The following SGCD variants were observed in gnomAD, a reference collection of about 807,000 sequenced individuals.
SGCD encodes sarcoglycan delta.
SGCD carries 18 observed loss-of-function variants against 36.6 expected under a neutral mutation model. The ratio of observed to expected loss-of-function variants is 0.49; its 90% CI spans 0.34 to 0.73. SGCD has a LOEUF of 0.73. Ranked by LOEUF, SGCD falls within the 30% of genes least tolerant of loss-of-function variation. The pLI is 0.01. For synonymous variants in SGCD, 133 were observed against 130.6 expected, an observed-to-expected ratio of 1.02 and a Z score of -0.12; for missense variants, 387 against 346.7, an observed-to-expected ratio of 1.12 and a Z score of -0.92.
At chr5:155,992,910 A>G (rs1263833918) in intron 1 of SGCD, among the ~76,000 whole-genome samples, 1 of 152,200 alleles carries the variant, frequency 6.6e-6, no homozygotes, top group Non-Finnish European at 1.5e-5. Context: ...TAGCAAACAT[A>G]GTGCCTCTTC....
intron 3 of SGCD, among the ~76,000 whole-genome samples, chr5:156,139,388 T>C (rs1008663597): frequency 1.3e-5 from 2 of 152,182 alleles, no homozygotes; most frequent in African/African-American, 4.8e-5. Context: ...TGTCAGCTTA[T>C]AGGTTCATCA....
At position 156,526,299 on chromosome 5, in the gene SGCD, G is replaced by A. The variant is rs535189385; in HGVS notation, c.294+17597G>A. 5.9e-5 allele frequency among the ~76,000 whole-genome samples: 9 copies of A among 152,134 alleles called. No homozygotes were observed. In the South Asian group the frequency reaches 6.2e-4, roughly 10 times the overall value. On this transcript the variant is annotated intron_variant, in intron 4 of 8. Transcript: ENST00000337851. ...AGAACTATCATGGGATGGCAGACAC[G>A]CACACAGTCTGAATAGGTTCCATTG...
intron 1 of SGCD, among the ~76,000 whole-genome samples, chr5:155,876,377 G>A: frequency 6.6e-6 from 1 of 151,790 alleles, no homozygotes; most frequent in East Asian, 1.9e-4. Context: ...GGAACAGTAA[G>A]ACACTTTTTA....
At chr5:156,500,521 A>G (rs1055150492) in intron 3 of SGCD, among the ~76,000 whole-genome samples, 3 of 152,242 alleles carry the variant, frequency 2.0e-5, no homozygotes, top group Non-Finnish European at 2.9e-5. Context: ...GTGCTGACAG[A>G]ATTAAAAACC....
chr5:155,789,177 A>C, the SGCD span, among the ~76,000 whole-genome samples: 5 of 152,118 alleles, frequency 3.3e-5, no homozygotes, highest in Non-Finnish European at 7.4e-5. Flanking sequence ...TTACTTAATG[A>C]TACACGGTCG....
chr5:156,082,138 C>G (rs181823815), intron 1 of SGCD, among the ~76,000 whole-genome samples: 1 of 151,940 alleles, frequency 6.6e-6, no homozygotes, highest in Non-Finnish European at 1.5e-5. Flanking sequence ...GAAAAGGGAC[C>G]AGAAGTACTT....
chr5:155,772,357 A>C, the SGCD span, among the ~76,000 whole-genome samples: 1 of 152,220 alleles, frequency 6.6e-6, no homozygotes, highest in East Asian at 1.9e-4. Flanking sequence ...AAGTGCTTTC[A>C]TCTTCACAAA....
chr5:156,599,373 A>T (rs925035053), intron 6 of SGCD, among the ~76,000 whole-genome samples: 19 of 146,334 alleles, frequency 1.3e-4, no homozygotes, highest in African/African-American at 5.0e-4. Flanking sequence ...CCATTTGTAT[A>T]GAAAAAGAAA....
chr5:156,176,591 AGGT>A (rs988882724), intron 3 of SGCD, among the ~76,000 whole-genome samples: 3 of 152,090 alleles, frequency 2.0e-5, no homozygotes, highest in African/African-American at 7.2e-5. Context: ...TACTTTCAGA[AGGT>A]GGTGAAGAGC....
chr5:155,854,059 A>G, the SGCD span, among the ~76,000 whole-genome samples: 2 of 152,150 alleles, frequency 1.3e-5, no homozygotes, highest in Non-Finnish European at 2.9e-5. Context: ...ATTTAACCTT[A>G]TTTTTTAAAA....
chr5:156,203,613 G>A (rs1348721964), intron 3 of SGCD, among the ~76,000 whole-genome samples: 1 of 152,078 alleles, frequency 6.6e-6, no homozygotes, highest in East Asian at 1.9e-4. Context: ...AAATAAAGAT[G>A]GATCATCATC....
intron 1 of SGCD, among the ~76,000 whole-genome samples, chr5:156,090,128 G>A (rs745430303): frequency 3.9e-5 from 6 of 152,136 alleles, no homozygotes; most frequent in Non-Finnish European, 8.8e-5. Flanking sequence ...GTCCAGGAGG[G>A]TGCATGATGG....
intron 3 of SGCD, among the ~76,000 whole-genome samples, chr5:156,301,677 T>G (rs1767056818): frequency 6.6e-6 from 1 of 152,166 alleles, no homozygotes; most frequent in Non-Finnish European, 1.5e-5. Flanking sequence ...TCTTTAGCCT[T>G]TCTTGTAAGA....
chr5:156,189,137 C>T (rs1561557285), intron 3 of SGCD, among the ~76,000 whole-genome samples: 4 of 152,206 alleles, frequency 2.6e-5, no homozygotes, highest in South Asian at 2.1e-4. Flanking sequence ...GTTATAATTT[C>T]CTTCTCTTTG....
intron 7 of SGCD, among the ~76,000 whole-genome samples, chr5:156,738,093 G>T (rs769881630): frequency 1.2e-4 from 18 of 152,186 alleles, no homozygotes; most frequent in Admixed American, 2.0e-4. Flanking sequence ...AGTCAAGTTA[G>T]TTGCATGGGT....
At chr5:156,077,604 A>G (rs1006857476) in intron 1 of SGCD, among the ~76,000 whole-genome samples, 1 of 152,144 alleles carries the variant, frequency 6.6e-6, no homozygotes, top group Non-Finnish European at 1.5e-5. Context: ...GGTATATCAT[A>G]TGATAATTCC....
At chr5:155,832,883 T>A in the SGCD span, among the ~76,000 whole-genome samples, 1 of 151,990 alleles carries the variant, frequency 6.6e-6, no homozygotes, top group Non-Finnish European at 1.5e-5. Flanking sequence ...TTTCTAGGAA[T>A]CTTGCGTACT....
At chr5:156,080,953 G>A (rs570678065) in intron 1 of SGCD, among the ~76,000 whole-genome samples, 3 of 152,086 alleles carry the variant, frequency 2.0e-5, no homozygotes, top group East Asian at 3.9e-4. Flanking sequence ...CATACTCCTG[G>A]TACCAATTTT....
chr5:156,014,083 A>C (rs1408434258), intron 1 of SGCD, among the ~76,000 whole-genome samples: 1 of 152,126 alleles, frequency 6.6e-6, no homozygotes, highest in African/African-American at 2.4e-5. Context: ...TCTAGCTTTA[A>C]CATACATAAT....
Sources: gnomAD v4.1 joint callset for allele counts (sites outside exome capture counted in the v4.1 genomes callset) on GRCh38, gnomAD v4.1.1 for gene constraint, MANE v1.5 for transcripts, NCBI Gene and HGNC (gene_info 2026-07-23, HGNC 2026-07-21) for gene names.